The following GDAP1 variants were observed in gnomAD, a reference collection of about 807,000 sequenced individuals.
GDAP1 encodes ganglioside-induced differentiation-associated protein 1.
Under a neutral mutation model 40.1 loss-of-function variants are expected in GDAP1, and 34 were observed. The observed-to-expected ratio is 0.85, with a 90% CI of 0.64 to 1.13. The LOEUF (loss-of-function observed/expected upper bound fraction) is 1.13. GDAP1 is among the 50% of genes most tolerant of loss of function. The pLI is 0.00. For missense variants in GDAP1, 374 were observed against 433.7 expected, an observed-to-expected ratio of 0.86 and a Z score of 1.22; for synonymous variants, 170 against 157.4, an observed-to-expected ratio of 1.08 and a Z score of -0.60.
At chr8:74,431,493 A>ATTTT (rs1563468113) in intron 2 of GDAP1, among the ~76,000 whole-genome samples, 4 of 151,188 alleles carry the variant, frequency 2.6e-5, no homozygotes, top group Non-Finnish European at 5.9e-5. Context: ...TTATTTATTT[A>ATTTT]TTTTTTGAGA....
chr8:74,464,530 T>C (rs545817929), intron 2 of GDAP1, among the ~76,000 whole-genome samples: 2 of 152,364 alleles, frequency 1.3e-5, no homozygotes, highest in East Asian at 3.9e-4. Context: ...AAGTTTGTTT[T>C]CAAGGAATAG....
At chr8:74,461,697 C>G (rs967843946) in intron 2 of GDAP1, among the ~76,000 whole-genome samples, 5 of 152,194 alleles carry the variant, frequency 3.3e-5, no homozygotes, top group Non-Finnish European at 7.3e-5. Flanking sequence ...TGATTATGCT[C>G]TCAGACAGGG....
At chr8:74,428,414 A>G (rs1306821208) in intron 2 of GDAP1, among the ~76,000 whole-genome samples, 2 of 151,962 alleles carry the variant, frequency 1.3e-5, no homozygotes, top group African/African-American at 4.8e-5. Context: ...GTAGGTGGAA[A>G]GGGTGTCCAC....
At chr8:74,394,650 C>T (rs1450114613) in intron 2 of GDAP1, among the ~76,000 whole-genome samples, 1 of 152,134 alleles carries the variant, frequency 6.6e-6, no homozygotes, top group Non-Finnish European at 1.5e-5. Flanking sequence ...CACACCCATT[C>T]ACACTATATA....
At chr8:74,429,941 A>G (rs1563467743) in intron 2 of GDAP1, among the ~76,000 whole-genome samples, 3 of 152,226 alleles carry the variant, frequency 2.0e-5, no homozygotes, top group Non-Finnish European at 2.9e-5. Flanking sequence ...ACATATTTCC[A>G]TTGCACATCA....
intron 2 of GDAP1, chr8:74,376,909 G>T (rs1042027331): frequency 6.6e-6 from 1 of 152,084 alleles, no homozygotes; most frequent in Non-Finnish European, 1.5e-5. Context: ...TGCATGCATG[G>T]TCAACTTTTT....
Position 74,364,119 on chromosome 8 carries a change from G to C in GDAP1, c.829G>C (p.Glu277Gln). 11 of 1,614,174 alleles carry C rather than the reference G, an allele frequency of 6.8e-6. No individual in the cohort carries two copies. Among genetic ancestry groups the C allele is most frequent in the African/African-American group, 1.3e-5 (1 of 75,036 alleles). ...NWGNGKRPNLETYYERVLKRK... is the reference protein window; with the variant it reads ...NWGNGKRPNLQTYYERVLKRK... Reference sequence around the variant, plus strand: ...GGGAAACGGAAAGCGACCAAACTTGGAAACCTATTACGAGCGTGTCTTGAA... The same window carrying C: ...GGGAAACGGAAAGCGACCAAACTTGCAAACCTATTACGAGCGTGTCTTGAA... Residue 277 changes from glutamate (E) to glutamine (Q), a missense_variant, in exon 6 of 6, where the codon GAA becomes CAA. Coordinates refer to ENST00000220822, the MANE Select transcript of GDAP1 (RefSeq NM_018972.4).
chr8:74,459,542 G>A (rs1460570088), intron 2 of GDAP1, among the ~76,000 whole-genome samples: 1 of 152,108 alleles, frequency 6.6e-6, no homozygotes, highest in Admixed American at 6.6e-5. Flanking sequence ...TTTGTGAAAC[G>A]CTAATGCAAT....
At chr8:74,428,718 G>A (rs1018436722) in intron 2 of GDAP1, among the ~76,000 whole-genome samples, 1 of 130,430 alleles carries the variant, frequency 7.7e-6, no homozygotes, top group Non-Finnish European at 1.5e-5. Context: ...CTGACCTCAA[G>A]TAATCCACCC....
At chr8:74,387,905 C>A (rs1810049264) in intron 2 of GDAP1, among the ~76,000 whole-genome samples, 1 of 151,204 alleles carries the variant, frequency 6.6e-6, no homozygotes, top group Non-Finnish European at 1.5e-5. Flanking sequence ...CTTGTGTAGT[C>A]TTGGGAGGGT....
chr8:74,398,658 C>T (rs1226133168), intron 2 of GDAP1, among the ~76,000 whole-genome samples: 1 of 152,112 alleles, frequency 6.6e-6, no homozygotes, highest in Non-Finnish European at 1.5e-5. Flanking sequence ...CAGTTTTTGC[C>T]CATTCAGTAT....
chr8:74,357,825 G>GA (rs1233336830), intron 2 of GDAP1, among the ~76,000 whole-genome samples: 1 of 152,028 alleles, frequency 6.6e-6, no homozygotes, highest in African/African-American at 2.4e-5. Context: ...ACATTACTGA[G>GA]AAAAAAATTC....
chr8:74,442,950 A>G (rs138648918), intron 2 of GDAP1, among the ~76,000 whole-genome samples: 2 of 152,322 alleles, frequency 1.3e-5, no homozygotes, highest in Non-Finnish European at 1.5e-5. Flanking sequence ...ATTACAGCAA[A>G]TGGAGCACCA....
chr8:74,464,792 T>C (rs1806447635), intron 2 of GDAP1, among the ~76,000 whole-genome samples: 1 of 152,160 alleles, frequency 6.6e-6, no homozygotes, highest in African/African-American at 2.4e-5. Flanking sequence ...GAAAGGGATA[T>C]TAATTTCATA....
intron 2 of GDAP1, among the ~76,000 whole-genome samples, chr8:74,405,055 A>G (rs1408161288): frequency 6.7e-6 from 1 of 150,154 alleles, no homozygotes; most frequent in Non-Finnish European, 1.5e-5. Context: ...AGACTGGATA[A>G]TTTATAAAGA....
chr8:74,387,489 A>G (rs965181900), intron 2 of GDAP1, among the ~76,000 whole-genome samples: 3 of 152,170 alleles, frequency 2.0e-5, no homozygotes, highest in African/African-American at 7.2e-5. Flanking sequence ...ATGTTTATTG[A>G]TTTGCATTTG....
chr8:74,423,909 A>G (rs1805914729), intron 2 of GDAP1, among the ~76,000 whole-genome samples: 1 of 152,162 alleles, frequency 6.6e-6, no homozygotes, highest in Admixed American at 6.6e-5. Flanking sequence ...CTGGGTACTC[A>G]TCGTTTGAAA....
At chr8:74,455,912 T>G (rs1183982408) in intron 2 of GDAP1, among the ~76,000 whole-genome samples, 1 of 151,956 alleles carries the variant, frequency 6.6e-6, no homozygotes, top group Admixed American at 6.6e-5. Context: ...TTCTTTTTGA[T>G]AAGTTAAAGA....
chr8:74,389,998 C>T (rs559595438), intron 2 of GDAP1, among the ~76,000 whole-genome samples: 24 of 152,276 alleles, frequency 1.6e-4, no homozygotes, highest in African/African-American at 5.3e-4. Flanking sequence ...GTACGCTTCA[C>T]GAAGTTCTCC....
Sources: allele counts gnomAD v4.1 joint callset (sites outside exome capture counted in the v4.1 genomes callset), GRCh38; gene constraint gnomAD v4.1.1; transcripts MANE v1.5; gene names NCBI Gene and HGNC (gene_info 2026-07-23, HGNC 2026-07-21).